The following UBE2V1 variants were observed in gnomAD, a reference collection of about 807,000 sequenced individuals.
UBE2V1 encodes the protein ubiquitin conjugating enzyme E2 V1, also known as ubiquitin-conjugating enzyme E2 variant 1.
A neutral mutation model predicts 19.6 loss-of-function variants in UBE2V1; 15 were observed. The observed-to-expected ratio is 0.77, with a 90% CI of 0.51 to 1.18. The LOEUF (loss-of-function observed/expected upper bound fraction) is 1.18. Among genes scored for constraint, UBE2V1 ranks in the 50% most tolerant of loss-of-function variants. The probability of loss-of-function intolerance (pLI) is 0.00; values close to 1 mark genes in which losing one functional copy is unlikely to be tolerated. For missense variants in UBE2V1, 125 were observed against 184.8 expected (o/e 0.68, Z 1.88); for synonymous variants, 60 against 60.7 (o/e 0.99, Z 0.05).
chr20:50,104,731 C>T (rs2080248056), intron 1 of UBE2V1, among the ~76,000 whole-genome samples: 3 of 146,340 alleles, frequency 2.1e-5, no homozygotes, highest in Admixed American at 2.0e-4. Flanking sequence ...GTAACCATTT[C>T]TAATTTATTT....
At chr20:50,112,909 C>A (rs1004123264) in intron 1 of UBE2V1, among the ~76,000 whole-genome samples, 198 bp downstream of exon 1, 2 of 152,168 alleles carry the variant, frequency 1.3e-5, no homozygotes, top group African/African-American at 4.8e-5. Context: ...GCCCACAGGC[C>A]CCTCAGCCCC....
At chr20:50,102,726 C>T (rs889073886) in intron 1 of UBE2V1, among the ~76,000 whole-genome samples, 2 of 152,298 alleles carry the variant, frequency 1.3e-5, no homozygotes, top group Middle Eastern at 3.4e-3. Context: ...GGTGCCCTCG[C>T]TCTCCTACCA....
chr20:50,114,885 G>A (rs889931760), upstream of UBE2V1: 7 of 152,216 alleles, frequency 4.6e-5, no homozygotes, highest in African/African-American at 1.7e-4. Flanking sequence ...GGTCAACATG[G>A]TGAAACCTCG....
At chr20:50,090,086 T>TG (rs1475907377) in intron 2 of UBE2V1, among the ~76,000 whole-genome samples, 1 of 152,102 alleles carries the variant, frequency 6.6e-6, no homozygotes, top group Non-Finnish European at 1.5e-5. Context: ...ACCCAGAGGG[T>TG]GGTTACTGTT....
At chr20:50,111,469 GT>G (rs2147221323) in intron 1 of UBE2V1, 1 of 1,000,336 alleles carries the variant, frequency 1.0e-6, no homozygotes, top group Non-Finnish European at 1.2e-6. Flanking sequence ...CTGGTGAGAA[GT>G]TTTACCCAGC....
intron 1 of UBE2V1, among the ~76,000 whole-genome samples, chr20:50,105,969 C>G (rs976161968): frequency 6.6e-6 from 1 of 151,636 alleles, no homozygotes; most frequent in African/African-American, 2.4e-5. Flanking sequence ...AACAAACAAA[C>G]AAAAGGACTC....
At chr20:50,094,161 AAT>A (rs960347712) in intron 2 of UBE2V1, among the ~76,000 whole-genome samples, 2 of 116,808 alleles carry the variant, frequency 1.7e-5, no homozygotes, top group African/African-American at 3.3e-5. Flanking sequence ...AATTATATGT[AAT>A]ATATATTACA....
intron 1 of UBE2V1, chr20:50,111,528 G>A (rs1430095711): frequency 6.5e-5 from 65 of 1,000,166 alleles, no homozygotes; most frequent in Non-Finnish European, 7.8e-5. Context: ...CTGGGGCAGC[G>A]TCATGGTAAA....
intron 1 of UBE2V1, among the ~76,000 whole-genome samples, chr20:50,102,564 G>A (rs2080074506): frequency 6.6e-6 from 1 of 152,148 alleles, no homozygotes; most frequent in Non-Finnish European, 1.5e-5. Flanking sequence ...GACTAATTTT[G>A]TATTTTTAGT....
intron 2 of UBE2V1, among the ~76,000 whole-genome samples, chr20:50,087,292 G>A (rs1223199743): frequency 1.3e-5 from 2 of 150,470 alleles, no homozygotes; most frequent in African/African-American, 4.9e-5. Flanking sequence ...GCTAACCGGG[G>A]GGCTGAGACA....
rs189829683 is a variant in UBE2V1 at position 50,108,126 on chromosome 20, A to G, written c.22+4981T>C. On this transcript the variant is annotated intron_variant, in intron 1 of 3. Transcript: ENST00000371674. ...TTGCTGAAGGGGAGTGGCAGTTTCT[A>G]TTTTACGTCTGTGAAAGATCATTCT... 5.3e-5 allele frequency among the ~76,000 whole-genome samples: 8 copies of G among 152,332 alleles called. No homozygotes were observed. The East Asian group carries it at 1.5e-3, about 29-fold the overall frequency.
intron 1 of UBE2V1, among the ~76,000 whole-genome samples, chr20:50,104,586 G>A (rs1301716261): frequency 7.0e-6 from 1 of 143,286 alleles, no homozygotes; most frequent in Non-Finnish European, 1.5e-5. Context: ...GAACCCCAGG[G>A]GGCGGAGCCT....
intron 2 of UBE2V1, among the ~76,000 whole-genome samples, chr20:50,089,301 T>C (rs528687185): frequency 1.3e-5 from 2 of 152,248 alleles, no homozygotes; most frequent in South Asian, 2.1e-4. Context: ...GCCTGGCTGC[T>C]GCTAGAACCT....
chr20:50,102,658 C>A (rs2080080241), intron 1 of UBE2V1, among the ~76,000 whole-genome samples: 1 of 152,188 alleles, frequency 6.6e-6, no homozygotes, highest in African/African-American at 2.4e-5. Flanking sequence ...TCCCAAAGTG[C>A]TGGGATTACA....
At chr20:50,114,533 G>A (rs985160849), upstream of UBE2V1, among the ~76,000 whole-genome samples, 5 of 152,120 alleles carry the variant, frequency 3.3e-5, no homozygotes, top group Non-Finnish European at 7.3e-5. Flanking sequence ...CAAGTTGAGC[G>A]ACCATAGAAT....
At position 50,093,621 on chromosome 20, in the gene UBE2V1, A is replaced by G. The variant is rs183867994; in HGVS notation, c.171+3051T>C. On this transcript the variant is annotated intron_variant, in intron 2 of 3. Coordinates refer to ENST00000371674, the MANE Select transcript of UBE2V1 (RefSeq NM_001032288.3). ...CAGCCACTTTGGGAAACAGTTTGGCATTTCCTCCAAATGTTAAACACAGTT... is the reference window on the plus strand; with the variant it reads ...CAGCCACTTTGGGAAACAGTTTGGCGTTTCCTCCAAATGTTAAACACAGTT... Among the ~76,000 whole-genome samples, 328 of 152,282 alleles carry G rather than the reference A, an allele frequency of 2.2e-3. 1 individual carries two copies. The highest frequency in any genetic ancestry group is 7.7e-3 in the African/African-American group (319 of 41,550).
At chr20:50,113,373 G>A (rs1392321388), upstream of UBE2V1, among the ~76,000 whole-genome samples, 1 of 152,252 alleles carries the variant, frequency 6.6e-6, no homozygotes, top group African/African-American at 2.4e-5. Context: ...GTTGTGATGT[G>A]CTTAGTGAGA....
chr20:50,091,972 A>C (rs1019525636), intron 2 of UBE2V1, among the ~76,000 whole-genome samples: 1 of 152,162 alleles, frequency 6.6e-6, no homozygotes, highest in African/African-American at 2.4e-5. Flanking sequence ...AGTTCCTCTG[A>C]AGCATGGGTA....
Position 50,082,898 on chromosome 20 carries a change from A to G in UBE2V1, c.314T>C (p.Ile105Thr). The G allele has an allele frequency of 6.2e-7, 1 of 1,608,998 alleles. No homozygotes were observed. Among genetic ancestry groups the G allele is most frequent in the Non-Finnish European group, 8.5e-7 (1 of 1,179,820 alleles). The part of the protein sequence containing the change: ...SSNGVVDPRA[I>T]SVLAKWQNSY... ...ATTCTGCCATTTTGCTAGCACTGAT[A>G]TGGCTCTTGGGTCCACCTACAACAA... The change falls in exon 4 of 4, where the codon ATA (isoleucine) becomes ACA (threonine). Residue 105 changes from isoleucine to threonine, a missense_variant. Ile to Thr is a moderately conservative substitution (Grantham distance 89). This residue lies in a region of UBE2V1 where 78 missense variants were observed against 108.8 expected (regional missense o/e 0.72). Transcript: ENST00000371674.
Sources: gnomAD v4.1 joint callset for allele counts (sites outside exome capture counted in the v4.1 genomes callset) on GRCh38, gnomAD v4.1.1 for gene constraint, gnomAD v4.1.1 regional missense constraint, MANE v1.5 for transcripts, NCBI Gene and HGNC (gene_info 2026-07-23, HGNC 2026-07-21) for gene names.